Variants in DPP10 observed in about 807,000 individuals in gnomAD.
The protein encoded by DPP10 is dipeptidyl peptidase like 10.
A neutral mutation model predicts 120.9 loss-of-function variants in DPP10; 33 were observed. The ratio of observed to expected loss-of-function variants is 0.27; its 90% confidence interval spans 0.21 to 0.37. The LOEUF (loss-of-function observed/expected upper bound fraction) is 0.37. Among genes scored for constraint, DPP10 ranks in the 10% least tolerant of loss-of-function variants. DPP10 has a pLI of 1.00. For synonymous variants in DPP10, 337 were observed against 326.1 expected (o/e 1.03, Z -0.36); for missense variants, 816 against 942.8 (o/e 0.87, Z 1.76).
rs150778072 is a variant in DPP10, at chr2:115,039,768, C to T, written c.61-269471C>T. Among the ~76,000 whole-genome samples the T allele has an allele frequency of 1.3e-3, 204 of 152,228 alleles. 5 individuals carry two copies. Among genetic ancestry groups the T allele is most frequent in the African/African-American group, 4.7e-3 (195 of 41,522 alleles). On this transcript the variant is annotated intron_variant, in intron 1 of 25. Transcript: ENST00000410059. The stretch of plus-strand genomic sequence containing the variant: ...CAATAATTAATTGTGACGCACTCTA[C>T]CCACAAAGAAATGTATACACCCATC...
chr2:115,483,630 G>T (rs560832988), intron 3 of DPP10, among the ~76,000 whole-genome samples: 2 of 152,128 alleles, frequency 1.3e-5, no homozygotes, highest in East Asian at 3.9e-4. Context: ...GTGAGGCAGG[G>T]TCACTAGTTT....
chr2:115,221,788 T>A (rs2057183475), intron 1 of DPP10, among the ~76,000 whole-genome samples: 1 of 131,818 alleles, frequency 7.6e-6, no homozygotes. Context: ...TTCTATGAGC[T>A]AAGAGAAAAC....
intron 24 of DPP10, among the ~76,000 whole-genome samples, chr2:115,838,508 A>G (rs910342451): frequency 1.3e-5 from 2 of 152,196 alleles, no homozygotes; most frequent in African/African-American, 4.8e-5. Context: ...ATTTGAATCC[A>G]TGTATTGAGC....
At position 114,768,301 on chromosome 2, in the gene DPP10, T is replaced by G. The variant is rs1680925376; in HGVS notation, c.60+325463T>G. Among the ~76,000 whole-genome samples, 3 of 151,766 alleles carry G rather than the reference T, an allele frequency of 2.0e-5. No homozygotes were observed. In the South Asian group the frequency reaches 6.3e-4, roughly 32 times the overall value. On this transcript the variant is annotated intron_variant, in intron 1 of 25. Transcript: ENST00000410059. ...AGGATATATTCCAAAAGGAGAAAAATGAGATTCCCAGGATGTTTGATAGTT... is the reference window on the plus strand; with the variant it reads ...AGGATATATTCCAAAAGGAGAAAAAGGAGATTCCCAGGATGTTTGATAGTT...
intron 5 of DPP10, among the ~76,000 whole-genome samples, chr2:115,570,444 T>C (rs940987178): frequency 6.6e-6 from 1 of 152,208 alleles, no homozygotes; most frequent in Non-Finnish European, 1.5e-5. Context: ...AAGGGTAAAA[T>C]ATATGGTTGA....
chr2:114,621,454 T>C (rs1694084563), intron 1 of DPP10, among the ~76,000 whole-genome samples: 1 of 152,132 alleles, frequency 6.6e-6, no homozygotes, highest in South Asian at 2.1e-4. Context: ...CTGTGTAATT[T>C]GCCCAAATTC....
intron 3 of DPP10, among the ~76,000 whole-genome samples, chr2:115,397,738 G>T (rs1574706166): frequency 6.6e-6 from 1 of 152,046 alleles, no homozygotes; most frequent in East Asian, 1.9e-4. Context: ...TGTGCTTTTG[G>T]CTGTGATTTT....
Position 115,645,474 on chromosome 2 carries a change from T to C in DPP10, c.442-44213T>C, listed in dbSNP as rs536286871. Among the ~76,000 whole-genome samples, 17 of 152,272 alleles carry C rather than the reference T, an allele frequency of 1.1e-4. No homozygotes were observed. The East Asian group carries it at 2.9e-3, about 26-fold the overall frequency. ...CACTTTATTTTTTACATCACCTGCC[T>C]AGAAACTATATCAAATGACTTCTCA... On this transcript the variant is annotated intron_variant, in intron 5 of 25. Coordinates refer to ENST00000410059, the MANE Select transcript of DPP10 (RefSeq NM_020868.6).
chr2:115,097,951 A>ATG (rs2048483314), intron 1 of DPP10, among the ~76,000 whole-genome samples: 1 of 152,194 alleles, frequency 6.6e-6, no homozygotes, highest in East Asian at 1.9e-4. Context: ...TTGCCTTGGA[A>ATG]TTAACACCTG....
At chr2:115,713,099 T>C (rs570643767) in intron 7 of DPP10, among the ~76,000 whole-genome samples, 52 of 152,104 alleles carry the variant, frequency 3.4e-4, no homozygotes, top group Admixed American at 1.0e-3. Flanking sequence ...ATGAGAATGA[T>C]TTTTTTATGA....
intron 3 of DPP10, among the ~76,000 whole-genome samples, chr2:115,432,852 G>T (rs541532791): frequency 6.6e-6 from 1 of 152,070 alleles, no homozygotes; most frequent in African/African-American, 2.4e-5. Context: ...GCACAGGAAA[G>T]CCGTCCCTTA....
chr2:115,656,133 AACACAC>A (rs146572509), intron 5 of DPP10, among the ~76,000 whole-genome samples: 2,857 of 143,284 alleles, frequency 0.02, 94 homozygotes, highest in African/African-American at 0.065. Flanking sequence ...GTTCTTACCA[AACACAC>A]ACACACACAC....
chr2:115,423,825 T>C (rs1178143995), intron 3 of DPP10, among the ~76,000 whole-genome samples: 1 of 152,166 alleles, frequency 6.6e-6, no homozygotes, highest in Non-Finnish European at 1.5e-5. Flanking sequence ...AAGAATACCT[T>C]ACATAGTGTC....
At chr2:115,475,525 G>A (rs576071126) in intron 3 of DPP10, among the ~76,000 whole-genome samples, 1 of 152,210 alleles carries the variant, frequency 6.6e-6, no homozygotes, top group Non-Finnish European at 1.5e-5. Context: ...GAACATGTGG[G>A]GTTGGAGTCC....
chr2:115,419,285 G>T (rs902042512), intron 3 of DPP10, among the ~76,000 whole-genome samples: 3 of 152,198 alleles, frequency 2.0e-5, no homozygotes, highest in Non-Finnish European at 4.4e-5. Context: ...ACAGATGTCA[G>T]TGAAGCCTTG....
chr2:115,712,543 A>ATATATATATATATACATATATATATAT (rs56675119), intron 7 of DPP10, among the ~76,000 whole-genome samples: 1 of 64,276 alleles, frequency 1.6e-5, no homozygotes, highest in Non-Finnish European at 2.9e-5. Context: ...TCCTGAATTA[A>ATATATATATATATACATATATATATAT]ATATATATAT....
chr2:115,782,104 A>G (rs555210805), intron 16 of DPP10, among the ~76,000 whole-genome samples: 1 of 152,120 alleles, frequency 6.6e-6, no homozygotes, highest in South Asian at 2.1e-4. Context: ...ACATAGAAAT[A>G]TAGAACATTT....
intron 1 of DPP10, among the ~76,000 whole-genome samples, chr2:115,076,894 G>T (rs1054299082): frequency 6.6e-6 from 1 of 152,214 alleles, no homozygotes; most frequent in Non-Finnish European, 1.5e-5. Flanking sequence ...GACTAAAATT[G>T]TTCACTTTTA....
intron 1 of DPP10, among the ~76,000 whole-genome samples, chr2:114,969,907 G>C (rs1699283356): frequency 6.6e-6 from 1 of 152,064 alleles, no homozygotes; most frequent in African/African-American, 2.4e-5. Context: ...CAAGATATTT[G>C]CATTGTTTTA....
Sources: gnomAD v4.1 joint callset for allele counts (sites outside exome capture counted in the v4.1 genomes callset) on GRCh38, gnomAD v4.1.1 for gene constraint, MANE v1.5 for transcripts, NCBI Gene and HGNC (gene_info 2026-07-23, HGNC 2026-07-21) for gene names.